AGBL1: variants seen among roughly 807,000 people sequenced by gnomAD.
AGBL1 encodes AGBL carboxypeptidase 1.
In AGBL1, 130 loss-of-function variants were observed where a neutral mutation model predicts 118.9. The observed-to-expected ratio is 1.09, with a 90% CI of 0.95 to 1.26. The LOEUF is 1.26. AGBL1 is among the 50% of genes most tolerant of loss of function. The probability of loss-of-function intolerance (pLI) is 0.00; values close to 1 mark genes in which losing one functional copy is unlikely to be tolerated. For synonymous variants in AGBL1, 555 were observed against 478.9 expected (o/e 1.16, Z -2.08); for missense variants, 1,584 against 1,298.1 (o/e 1.22, Z -3.38).
At chr15:86,325,674 C>A (rs750974485) in intron 17 of AGBL1, among the ~76,000 whole-genome samples, 1 of 152,170 alleles carries the variant, frequency 6.6e-6, no homozygotes, top group Non-Finnish European at 1.5e-5. Context: ...ATCCCCCTAG[C>A]AAGGTGAGCA....
intron 23 of AGBL1, among the ~76,000 whole-genome samples, chr15:86,962,230 T>C (rs2081000047): frequency 1.3e-5 from 2 of 152,026 alleles, no homozygotes. Flanking sequence ...CTCAGCAAAA[T>C]TGAAAATGGG....
At chr15:86,936,545 A>G (rs2080677925) in intron 23 of AGBL1, among the ~76,000 whole-genome samples, 1 of 152,308 alleles carries the variant, frequency 6.6e-6, no homozygotes, top group African/African-American at 2.4e-5. Flanking sequence ...AAAACAAGTA[A>G]TGGGGAAAAG....
intron 23 of AGBL1, among the ~76,000 whole-genome samples, chr15:86,957,016 A>T (rs1241465896): frequency 3.9e-5 from 6 of 152,114 alleles, no homozygotes; most frequent in Non-Finnish European, 7.4e-5. Flanking sequence ...ATTGGGCACA[A>T]AAAGAAAAAA....
At chr15:86,284,860 G>T (rs2079416377) in intron 16 of AGBL1, among the ~76,000 whole-genome samples, 1 of 152,198 alleles carries the variant, frequency 6.6e-6, no homozygotes, top group Non-Finnish European at 1.5e-5. Flanking sequence ...ACAGGATGAG[G>T]CTGCAGGCTA....
At chr15:86,130,003 C>T (rs2076798517) in intron 1 of AGBL1, among the ~76,000 whole-genome samples, 2 of 152,122 alleles carry the variant, frequency 1.3e-5, no homozygotes, top group Admixed American at 1.3e-4. Context: ...AATATGCCAA[C>T]TGTAGAGCTG....
chr15:86,135,071 A>G (rs1361414207), intron 1 of AGBL1, among the ~76,000 whole-genome samples: 1 of 152,130 alleles, frequency 6.6e-6, no homozygotes, highest in Non-Finnish European at 1.5e-5. Context: ...TCAGGAAACT[A>G]TGGAATGAGA....
At chr15:86,651,730 ATC>A (rs1408242857) in intron 21 of AGBL1, among the ~76,000 whole-genome samples, 1 of 152,134 alleles carries the variant, frequency 6.6e-6, no homozygotes, top group East Asian at 1.9e-4. Context: ...CCAACTACTG[ATC>A]TCTCTGAGTG....
chr15:86,712,718 T>G (rs960703670), intron 22 of AGBL1, among the ~76,000 whole-genome samples: 1 of 152,184 alleles, frequency 6.6e-6, no homozygotes, highest in East Asian at 1.9e-4. Context: ...TGTAAGGTGC[T>G]GATTGGAACA....
chr15:86,708,536 C>A (rs1201965746), intron 22 of AGBL1, among the ~76,000 whole-genome samples: 1 of 152,114 alleles, frequency 6.6e-6, no homozygotes, highest in Non-Finnish European at 1.5e-5. Flanking sequence ...TTTGTTACCG[C>A]AGCCTGAGCA....
intron 23 of AGBL1, among the ~76,000 whole-genome samples, chr15:86,951,866 CA>C (rs1206815705): frequency 6.6e-6 from 1 of 152,122 alleles, no homozygotes; most frequent in Non-Finnish European, 1.5e-5. Context: ...TCTTCATAAC[CA>C]TTTTATCATT....
At chr15:86,194,852 G>C (rs896627333) in intron 5 of AGBL1, among the ~76,000 whole-genome samples, 7 of 152,094 alleles carry the variant, frequency 4.6e-5, no homozygotes, top group Admixed American at 4.6e-4. Flanking sequence ...AAGGTCTTAG[G>C]CAAAAGACAT....
chr15:86,837,771 C>G (rs2079188990), intron 22 of AGBL1, among the ~76,000 whole-genome samples: 1 of 152,068 alleles, frequency 6.6e-6, no homozygotes, highest in Non-Finnish European at 1.5e-5. Flanking sequence ...TGGATTAGAG[C>G]GTGAGAGAGA....
chr15:86,283,588 C>T (rs2079390939), intron 16 of AGBL1, among the ~76,000 whole-genome samples: 1 of 152,010 alleles, frequency 6.6e-6, no homozygotes, highest in Non-Finnish European at 1.5e-5. Context: ...ATAAAAGACT[C>T]AGAATAAATG....
intron 17 of AGBL1, among the ~76,000 whole-genome samples, chr15:86,326,211 A>G (rs2080180459): frequency 6.6e-6 from 1 of 152,024 alleles, no homozygotes; most frequent in Non-Finnish European, 1.5e-5. Flanking sequence ...AGGACAGCAC[A>G]GTTCAGTCTC....
At chr15:86,545,004 G>A (rs972123762) in intron 19 of AGBL1, among the ~76,000 whole-genome samples, 7 of 152,168 alleles carry the variant, frequency 4.6e-5, no homozygotes, top group Non-Finnish European at 7.3e-5. Context: ...TAGGAGGAAC[G>A]TACTTACCTA....
At chr15:86,529,706 G>A (rs1331410980) in intron 19 of AGBL1, among the ~76,000 whole-genome samples, 4 of 151,294 alleles carry the variant, frequency 2.6e-5, no homozygotes, top group Admixed American at 2.0e-4. Context: ...AGCAGCCAGA[G>A]AGAAAGGTCA....
chr15:86,778,829 G>T (rs1320776590), intron 22 of AGBL1, among the ~76,000 whole-genome samples: 1 of 152,172 alleles, frequency 6.6e-6, no homozygotes, highest in Non-Finnish European at 1.5e-5. Flanking sequence ...GTAAAGACAG[G>T]CATAGGAAAT....
At chr15:86,391,760 C>G (rs922547340) in intron 17 of AGBL1, among the ~76,000 whole-genome samples, 5 of 140,756 alleles carry the variant, frequency 3.6e-5, no homozygotes, top group Non-Finnish European at 7.5e-5. Context: ...TTTGTACCTT[C>G]ATTTCTTCTC....
At chr15:86,123,840 A>G (rs1275021063) in intron 1 of AGBL1, among the ~76,000 whole-genome samples, 1 of 152,200 alleles carries the variant, frequency 6.6e-6, no homozygotes, top group Non-Finnish European at 1.5e-5. Context: ...TTTGGTTCAG[A>G]GTAAATCCCT....
Sources: gnomAD v4.1 joint callset for allele counts (sites outside exome capture counted in the v4.1 genomes callset) on GRCh38, gnomAD v4.1.1 for gene constraint, MANE v1.5 for transcripts, NCBI Gene and HGNC (gene_info 2026-07-23, HGNC 2026-07-21) for gene names.